PCDH7: variants seen among roughly 807,000 people sequenced by gnomAD.
PCDH7 encodes the protein protocadherin 7.
In PCDH7, 17 loss-of-function variants were observed where a neutral mutation model predicts 58.9. The ratio of observed to expected loss-of-function variants is 0.29; its 90% CI spans 0.20 to 0.43. PCDH7 has a LOEUF of 0.43. Ranked by LOEUF, PCDH7 falls within the 20% of genes least tolerant of loss-of-function variation. PCDH7 has a pLI of 1.00. For synonymous variants in PCDH7, 664 were observed against 616.4 expected (o/e 1.08, Z -1.14); for missense variants, 1,274 against 1,441.0 (o/e 0.88, Z 1.88).
intron 3 of PCDH7, among the ~76,000 whole-genome samples, chr4:31,089,001 G>A (rs1367873948): frequency 6.6e-6 from 1 of 151,794 alleles, no homozygotes; most frequent in Non-Finnish European, 1.5e-5. Flanking sequence ...TTCCTAATAT[G>A]GTGTGTTTGC....
At chr4:30,730,898 G>T in exon 2 of PCDH7, 2 of 1,403,816 alleles carry the variant, frequency 1.4e-6, no homozygotes, top group South Asian at 1.9e-5. Context: ...ATCACTGCTT[G>T]TTCCACTTGT....
At chr4:30,998,495 C>T (rs1578522376) in intron 3 of PCDH7, among the ~76,000 whole-genome samples, 1 of 152,026 alleles carries the variant, frequency 6.6e-6, no homozygotes, top group African/African-American at 2.4e-5. Context: ...GGTAGGATCT[C>T]CTGGAATGGT....
At chr4:31,117,510 AT>A (rs1226354068) in intron 3 of PCDH7, among the ~76,000 whole-genome samples, 1 of 151,912 alleles carries the variant, frequency 6.6e-6, no homozygotes, top group Admixed American at 6.6e-5. Flanking sequence ...TTATCCCCCA[AT>A]TTTTTATCAT....
intron 3 of PCDH7, among the ~76,000 whole-genome samples, chr4:31,103,271 T>TTTTA (rs1412994131): frequency 6.6e-6 from 1 of 152,036 alleles, no homozygotes; most frequent in Non-Finnish European, 1.5e-5. Context: ...TGTAGGGATA[T>TTTTA]TTTATTTATT....
intron 3 of PCDH7, among the ~76,000 whole-genome samples, chr4:31,057,386 C>T (rs1757344974): frequency 6.6e-6 from 1 of 152,110 alleles, no homozygotes; most frequent in Admixed American, 6.6e-5. Context: ...AGTAGTGATG[C>T]AGAGGTGGGT....
chr4:31,126,130 T>C (rs558098413), intron 3 of PCDH7, among the ~76,000 whole-genome samples: 106 of 149,748 alleles, frequency 7.1e-4, no homozygotes, highest in African/African-American at 2.1e-3. Context: ...TCCTTTCTTT[T>C]TTTTTTTTTT....
intron 1 of PCDH7, among the ~76,000 whole-genome samples, chr4:30,834,117 T>C (rs1730160926): frequency 6.6e-6 from 1 of 152,182 alleles, no homozygotes; most frequent in African/African-American, 2.4e-5. Context: ...TATAACACCA[T>C]GTGCCAGGCA....
chr4:31,104,308 T>C (rs1217623009), intron 3 of PCDH7, among the ~76,000 whole-genome samples: 1 of 152,184 alleles, frequency 6.6e-6, no homozygotes, highest in African/African-American at 2.4e-5. Flanking sequence ...GTAAATGCAT[T>C]CATCCCTAAT....
chr4:30,994,790 T>C (rs759018052), intron 3 of PCDH7, among the ~76,000 whole-genome samples: 1 of 152,192 alleles, frequency 6.6e-6, no homozygotes, highest in Non-Finnish European at 1.5e-5. Context: ...TTTTCTAATA[T>C]AGGTATATTC....
chr4:31,120,107 C>G (rs1219888549), intron 3 of PCDH7, among the ~76,000 whole-genome samples: 1 of 152,096 alleles, frequency 6.6e-6, no homozygotes, highest in African/African-American at 2.4e-5. Flanking sequence ...CTGTTCGTGT[C>G]TGACTAGCTA....
rs536653312 is a variant in PCDH7 at position 30,993,094 on chromosome 4, C to T, written c.*7+42879C>T. 7.2e-4 allele frequency among the ~76,000 whole-genome samples: 110 copies of T among 152,192 alleles called. 1 individual carries two copies. Among genetic ancestry groups the T allele is most frequent in the Admixed American group, 2.5e-3 (38 of 15,292 alleles). ...GATTACAGGTGTGAGCCACCGTGCC[C>T]GGCCTGTCCCATTCGTTTTTGATAG... On this transcript the variant is annotated intron_variant, in intron 3 of 3. Coordinates refer to the PCDH7 transcript ENST00000509759.
In PCDH7 at chr4:31,057,546, G is replaced by A. The variant is rs149194269; in HGVS notation, c.*8-84927G>A. Among the ~76,000 whole-genome samples, 717 of 152,240 alleles carry A rather than the reference G, an allele frequency of 4.7e-3. 4 individuals carry two copies. Among genetic ancestry groups the A allele is most frequent in the African/African-American group, 0.016 (675 of 41,540 alleles). On this transcript the variant is annotated intron_variant, in intron 3 of 3. Coordinates refer to the PCDH7 transcript ENST00000509759. ...AAGGTCACATGCCAGTTAGCTATGGGAATCCAATTCTGTCAGTGAATTCAA... is the reference window on the plus strand; with the variant it reads ...AAGGTCACATGCCAGTTAGCTATGGAAATCCAATTCTGTCAGTGAATTCAA...
intron 3 of PCDH7, among the ~76,000 whole-genome samples, chr4:30,996,208 A>C (rs917425537): frequency 1.3e-5 from 2 of 152,156 alleles, no homozygotes; most frequent in African/African-American, 4.8e-5. Context: ...CGTCTAACAC[A>C]TGCTGACTAT....
At chr4:30,979,928 C>T (rs974778697) in intron 3 of PCDH7, among the ~76,000 whole-genome samples, 3 of 152,164 alleles carry the variant, frequency 2.0e-5, no homozygotes, top group Non-Finnish European at 2.9e-5. Context: ...GTCCTAATCA[C>T]TAATATGGCA....
chr4:30,974,635 G>A (rs1749904123), intron 3 of PCDH7, among the ~76,000 whole-genome samples: 1 of 152,060 alleles, frequency 6.6e-6, no homozygotes, highest in African/African-American at 2.4e-5. Context: ...AAAATATCCG[G>A]GAGTGCCAAG....
intron 3 of PCDH7, among the ~76,000 whole-genome samples, chr4:31,010,725 G>A (rs1016000437): frequency 3.9e-5 from 6 of 152,018 alleles, no homozygotes; most frequent in Non-Finnish European, 7.4e-5. Flanking sequence ...TTAAATAGGT[G>A]TAATAGTTTC....
intron 3 of PCDH7, among the ~76,000 whole-genome samples, chr4:30,970,189 T>G (rs1749428839): frequency 6.6e-6 from 1 of 152,238 alleles, no homozygotes; most frequent in Non-Finnish European, 1.5e-5. Context: ...TCTAGGAATT[T>G]TATTGTAAGT....
chr4:30,985,764 C>T (rs551530632), intron 3 of PCDH7, among the ~76,000 whole-genome samples: 6 of 152,150 alleles, frequency 3.9e-5, no homozygotes, highest in Non-Finnish European at 8.8e-5. Context: ...TGACTTAATC[C>T]TTGCTTTGCA....
At chr4:30,750,068 G>T (rs1718307669) in intron 1 of PCDH7, among the ~76,000 whole-genome samples, 1 of 152,102 alleles carries the variant, frequency 6.6e-6, no homozygotes, top group South Asian at 2.1e-4. Context: ...CCTCCTATAA[G>T]GCACTGGGCA....
Sources: allele counts gnomAD v4.1 joint callset (sites outside exome capture counted in the v4.1 genomes callset), GRCh38; gene constraint gnomAD v4.1.1; transcripts MANE v1.5; gene names NCBI Gene and HGNC (gene_info 2026-07-23, HGNC 2026-07-21).